Variants in XIRP2 observed in about 807,000 individuals in gnomAD.
XIRP2 encodes xin actin binding repeat containing 2.
A neutral mutation model predicts 277.0 loss-of-function variants in XIRP2; 236 were observed. That is an observed-to-expected ratio of 0.85 (90% CI 0.77 to 0.95). The LOEUF is 0.95. XIRP2 is among the 40% of genes least tolerant of loss of function. XIRP2 has a pLI of 0.00. For synonymous variants in XIRP2, 1,490 were observed against 1,416.5 expected (o/e 1.05, Z -1.17); for missense variants, 4,640 against 4,157.5 (o/e 1.12, Z -3.19).
intron 3 of XIRP2, among the ~76,000 whole-genome samples, chr2:167,141,535 A>G (rs1344461946): frequency 2.0e-5 from 3 of 152,196 alleles, no homozygotes; most frequent in Non-Finnish European, 2.9e-5. Context: ...GGAAATTCCT[A>G]ATTTTAATTA....
chr2:167,248,812 C>T lies in XIRP2; in HGVS notation c.7420C>T (p.His2474Tyr), dbSNP rs1695372118. The T allele has an allele frequency of 1.2e-6, 2 of 1,613,520 alleles. No individual in the cohort carries two copies. The highest frequency in any genetic ancestry group is 1.7e-5 in the Admixed American group (1 of 59,940). The change falls in exon 9 of 11, where the codon CAC (histidine) becomes TAC (tyrosine). Residue 2474 changes from histidine (H) to tyrosine (Y), a missense_variant. Transcript: ENST00000409195. Reference protein sequence around the residue: ...KKVMVMTSSEHTETKQNVISK... With the variant: ...KKVMVMTSSEYTETKQNVISK... ...AGTAATGGTGATGACCAGCAGTGAACACACGGAGACAAAGCAGAACGTTAT... is the reference window on the plus strand; with the variant it reads ...AGTAATGGTGATGACCAGCAGTGAATACACGGAGACAAAGCAGAACGTTAT...
chr2:167,187,955 T>TA (rs942245878), intron 3 of XIRP2, among the ~76,000 whole-genome samples: 1 of 152,254 alleles, frequency 6.6e-6, no homozygotes, highest in African/African-American at 2.4e-5. Context: ...TTTCAACTGT[T>TA]ACAGCTTGCT....
At chr2:167,000,588 T>C (rs1436530469) in intron 2 of XIRP2, among the ~76,000 whole-genome samples, 1 of 152,006 alleles carries the variant, frequency 6.6e-6, no homozygotes, top group Non-Finnish European at 1.5e-5. Flanking sequence ...ACATGTTTCT[T>C]TTGTTATGTT....
At chr2:166,891,769 C>T (rs966776347) in intron 1 of XIRP2, among the ~76,000 whole-genome samples, 3 of 152,054 alleles carry the variant, frequency 2.0e-5, no homozygotes, top group African/African-American at 7.2e-5. Context: ...GTAACCAAAG[C>T]ATGAAAATAA....
chr2:166,924,572 T>C (rs1481426380), intron 2 of XIRP2, among the ~76,000 whole-genome samples: 1 of 152,046 alleles, frequency 6.6e-6, no homozygotes, highest in East Asian at 1.9e-4. Context: ...GCACAGTCTC[T>C]TCCTCCCATG....
Position 167,243,353 on chromosome 2 carries a change from C to T in XIRP2, c.1961C>T (p.Ala654Val). 1 of 1,614,062 alleles carries T rather than the reference C, an allele frequency of 6.2e-7. No individual in the cohort carries two copies. The highest frequency in any genetic ancestry group is 8.5e-7 in the Non-Finnish European group (1 of 1,179,998). The stretch of plus-strand genomic sequence containing the variant: ...CTAGCCAGAGGAGATGTCTGCACAG[C>T]TCGGTGGATGTTTGAAACAAGGCCA... ...PELARGDVCT[A>V]RWMFETRPLD... is the part of the protein sequence containing the mutation. Residue 654 changes from alanine to valine, a missense_variant, in exon 9 of 11, where the codon GCT (alanine) becomes GTT (valine). Ala to Val is a moderately conservative substitution (Grantham distance 64). Transcript: ENST00000409195.
chr2:166,972,938 A>G (rs1182443002), intron 2 of XIRP2, among the ~76,000 whole-genome samples: 3 of 152,196 alleles, frequency 2.0e-5, no homozygotes, highest in Non-Finnish European at 4.4e-5. Context: ...ATGCTTTCTA[A>G]ATTTATCATC....
At chr2:167,169,011 G>A (rs1225609218) in intron 3 of XIRP2, among the ~76,000 whole-genome samples, 1 of 152,076 alleles carries the variant, frequency 6.6e-6, no homozygotes, top group Non-Finnish European at 1.5e-5. Flanking sequence ...CTTTGAGTTT[G>A]TCTCTTCAGA....
chr2:167,025,108 A>G (rs188566482), intron 2 of XIRP2, among the ~76,000 whole-genome samples: 10,231 of 152,062 alleles, frequency 0.067, 425 homozygotes, highest in Middle Eastern at 0.18. Flanking sequence ...TTGGTAAGCT[A>G]TTGATTATTG....
chr2:167,188,116 G>C (rs1376576294), intron 3 of XIRP2, among the ~76,000 whole-genome samples: 2 of 152,164 alleles, frequency 1.3e-5, no homozygotes, highest in Admixed American at 1.3e-4. Flanking sequence ...GAAAAGCACT[G>C]CCAGTTGGAT....
At position 167,220,227 on chromosome 2, in the gene XIRP2, A is replaced by G. The variant is rs184438994; in HGVS notation, c.858+1927A>G. Among the ~76,000 whole-genome samples, 87 of 151,746 alleles carry G rather than the reference A, an allele frequency of 5.7e-4. 2 individuals are homozygous for G. The highest frequency in any genetic ancestry group is 3.1e-3 in the Admixed American group (48 of 15,248). On this transcript the variant is annotated intron_variant, in intron 5 of 10. Coordinates refer to ENST00000409195, the MANE Select transcript of XIRP2 (RefSeq NM_152381.6). ...TCAAATATGTATCACCTTATCATTG[A>G]TGTAGGGGCTTAAAGTATGGTCCTA...
intron 1 of XIRP2, among the ~76,000 whole-genome samples, chr2:166,897,285 T>C (rs1188820839): frequency 6.6e-6 from 1 of 152,176 alleles, no homozygotes; most frequent in Non-Finnish European, 1.5e-5. Flanking sequence ...AGACTAGCAC[T>C]CAGTGGCCCT....
chr2:166,897,166 A>G (rs2105330533), intron 1 of XIRP2, among the ~76,000 whole-genome samples: 1 of 152,306 alleles, frequency 6.6e-6, no homozygotes, highest in African/African-American at 2.4e-5. Context: ...CAAAGCATTT[A>G]ATAAGGGTGT....
chr2:167,046,258 G>T (rs1222140580), intron 2 of XIRP2, among the ~76,000 whole-genome samples: 1 of 151,774 alleles, frequency 6.6e-6, no homozygotes, highest in African/African-American at 2.4e-5. Flanking sequence ...GGAGCTTTTG[G>T]GCAGACTATG....
intron 2 of XIRP2, among the ~76,000 whole-genome samples, chr2:166,911,747 C>A (rs935187198): frequency 6.6e-6 from 1 of 152,140 alleles, no homozygotes; most frequent in African/African-American, 2.4e-5. Context: ...GTCGCTGGTA[C>A]TGGTTGTTCC....
At chr2:167,158,990 C>T (rs1692285069) in intron 3 of XIRP2, among the ~76,000 whole-genome samples, 2 of 151,892 alleles carry the variant, frequency 1.3e-5, no homozygotes, top group South Asian at 2.1e-4. Context: ...GAAAGAGTTC[C>T]CAAGAAAGAA....
intron 4 of XIRP2, among the ~76,000 whole-genome samples, chr2:167,214,645 C>A (rs896139103): frequency 6.6e-6 from 1 of 152,030 alleles, no homozygotes; most frequent in Non-Finnish European, 1.5e-5. Flanking sequence ...CGGCTCACTG[C>A]AACCTCTGCC....
rs968706766 is a variant in XIRP2, at chr2:167,114,110, A to G, written c.409-21799A>G. On this transcript the variant is annotated intron_variant, in intron 2 of 10. Coordinates refer to ENST00000409195, the MANE Select transcript of XIRP2 (RefSeq NM_152381.6). ...AATTTCATGATTAAGTGCCTGGGGA[A>G]TGGTTTTCTTCTGCAACATCTTGCA... Among the ~76,000 whole-genome samples, 8 of 152,190 alleles carry G rather than the reference A, an allele frequency of 5.3e-5. No homozygotes were observed. In the South Asian group the frequency reaches 6.2e-4, roughly 12 times the overall value.
intron 2 of XIRP2, among the ~76,000 whole-genome samples, chr2:167,114,168 G>T (rs1574266543): frequency 6.6e-6 from 1 of 152,088 alleles, no homozygotes; most frequent in African/African-American, 2.4e-5. Flanking sequence ...TTTGAATGTT[G>T]ACCTCTCTAG....
Sources: gnomAD v4.1 joint callset for allele counts (sites outside exome capture counted in the v4.1 genomes callset) on GRCh38, gnomAD v4.1.1 for gene constraint, MANE v1.5 for transcripts, NCBI Gene and HGNC (gene_info 2026-07-23, HGNC 2026-07-21) for gene names.